VPS13A: variants seen among roughly 807,000 people sequenced by gnomAD.
The protein encoded by VPS13A is vacuolar protein sorting 13 homolog A, also known as intermembrane lipid transfer protein VPS13A.
VPS13A carries 264 observed loss-of-function variants against 390.9 expected under a neutral mutation model. The observed-to-expected ratio is 0.68, with a 90% confidence interval of 0.61 to 0.75. VPS13A has a LOEUF of 0.75. VPS13A is among the 30% of genes least tolerant of loss of function. The pLI is 0.00. For missense variants in VPS13A, 3,409 were observed against 3,733.9 expected, an observed-to-expected ratio of 0.91 and a Z score of 2.27; for synonymous variants, 1,231 against 1,227.1, an observed-to-expected ratio of 1.00 and a Z score of -0.07.
rs556306711 is a variant in VPS13A, at chr9:77,262,730, A to C, written c.2427+2506A>C. 6.2e-4 allele frequency among the ~76,000 whole-genome samples: 95 copies of C among 152,248 alleles called. 1 individual carries two copies. In the Middle Eastern group the frequency reaches 0.01, roughly 16 times the overall value. ...TAGTTTGCTGAGAATGATGGTTTCC[A>C]GCTTCATCCATGTCCTTGCAAAGGA... is the stretch of plus-strand genomic sequence containing the variant. On this transcript the variant is annotated intron_variant, in intron 23 of 71. Transcript: ENST00000360280.
intron 7 of VPS13A, among the ~76,000 whole-genome samples, chr9:77,212,391 A>C (rs1826019958): frequency 6.6e-6 from 1 of 152,092 alleles, no homozygotes; most frequent in Non-Finnish European, 1.5e-5. Context: ...TGTCGACCTT[A>C]GAATCAATAA....
At chr9:77,412,386 C>G (rs1834978797) in intron 71 of VPS13A, among the ~76,000 whole-genome samples, 1 of 152,208 alleles carries the variant, frequency 6.6e-6, no homozygotes, top group African/African-American at 2.4e-5. Context: ...CATCAAAAAG[C>G]TTATCTACCA....
In VPS13A at chr9:77,207,254, A is replaced by AT. The variant is rs1564630578; in HGVS notation, c.385+1175_385+1176insT. On this transcript the variant is annotated intron_variant, in intron 5 of 71. Transcript: ENST00000360280. ...ATATATATATATATATATATATATA[A>AT]AACGTGTTATATGTAACATAACATG... 2.6e-3 allele frequency among the ~76,000 whole-genome samples: 138 copies of AT among 53,446 alleles called. 3 individuals are homozygous for AT. Among genetic ancestry groups the AT allele is most frequent in the East Asian group, 9.0e-3 (10 of 1,114 alleles). The allele number at this position is 53,446 out of a possible 152,430, so 35.1% of individuals were successfully genotyped here.
chr9:77,309,984 G>A (rs1040661615), intron 35 of VPS13A, among the ~76,000 whole-genome samples: 4 of 151,996 alleles, frequency 2.6e-5, no homozygotes, highest in African/African-American at 7.3e-5. Context: ...TAGAATCCCT[G>A]GATGGTAGAA....
rs146426981 is a variant in VPS13A, at chr9:77,380,858, G to A, written c.9078-1118G>A. On this transcript the variant is annotated intron_variant, in intron 67 of 71. Transcript: ENST00000360280. ...GCATGTGCAGTTGACAATAGGGTTC[G>A]CCTTCTTATGAGAATCTGATGCCGC... 1.2e-4 allele frequency among the ~76,000 whole-genome samples: 18 copies of A among 152,224 alleles called. No homozygotes were observed. The East Asian group carries it at 2.9e-3, about 25-fold the overall frequency.
rs1554865394 is a variant in VPS13A, at chr9:77,227,701, T to TG, written c.1452+217dup. On this transcript the variant is annotated intron_variant, in intron 16 of 71. Transcript: ENST00000360280. ...TAGCTAATTTTTGTGGTTTTTTTTT[T>TG]GTTTTTTTTTTTTGATAGAGATGGG... Among the ~76,000 whole-genome samples, 145 of 147,334 alleles carry TG rather than the reference T, an allele frequency of 9.8e-4. 1 individual carries two copies. The highest frequency in any genetic ancestry group is 3.5e-3 in the African/African-American group (138 of 39,940).
chr9:77,314,519 C>G lies in VPS13A; in HGVS notation c.4267C>G (p.Pro1423Ala). The G allele has an allele frequency of 6.2e-7, 1 of 1,612,308 alleles. No individual in the cohort carries two copies. Among genetic ancestry groups the G allele is most frequent in the Non-Finnish European group, 8.5e-7 (1 of 1,179,334 alleles). ...KQASFTDVRD[P>A]SLKLAEFKLE... ...GGCTTCCTTTACAGATGTTCGTGATCCTTCTCTGAAACTTGCTGAATTTAA... is the reference window on the plus strand; with the variant it reads ...GGCTTCCTTTACAGATGTTCGTGATGCTTCTCTGAAACTTGCTGAATTTAA... Residue 1423 changes from proline to alanine, a missense_variant, in exon 37 of 72, where the codon CCT becomes GCT. Pro to Ala is a conservative substitution (Grantham distance 27). Coordinates refer to ENST00000360280, the MANE Select transcript of VPS13A (RefSeq NM_033305.3).
In VPS13A at chr9:77,260,149, G is replaced by T. The variant is rs777629980; in HGVS notation, c.2352G>T (p.Gly784=). The change falls in exon 23 of 72, where the codon GGG becomes GGT. Residue 784 remains glycine, a synonymous_variant. Coordinates refer to ENST00000360280, the MANE Select transcript of VPS13A (RefSeq NM_033305.3). The part of the protein sequence containing the change: ...SLRISDKKLQ[G]IMELIESIPK... ...GAATCTCAGATAAAAAACTACAAGG[G>T]ATTATGGAATTGATTGAAAGCATTC... is the stretch of plus-strand genomic sequence containing the variant. 1 of 1,602,848 alleles carries T rather than the reference G, an allele frequency of 6.2e-7. No homozygotes were observed. The highest frequency in any genetic ancestry group is 1.1e-5 in the South Asian group (1 of 90,642).
chr9:77,252,412 A>G, intron 22 of VPS13A, 60 bp downstream of exon 22: 6 of 1,315,934 alleles, frequency 4.6e-6, no homozygotes, highest in Non-Finnish European at 5.5e-6. Flanking sequence ...AGCTAGGGAA[A>G]TACCATACTT....
At chr9:77,301,197 G>A (rs1306245350) in intron 33 of VPS13A, among the ~76,000 whole-genome samples, 2 of 152,064 alleles carry the variant, frequency 1.3e-5, no homozygotes, top group Admixed American at 6.5e-5. Context: ...TGAAGATATA[G>A]ATATAGATAT....
intron 35 of VPS13A, 26 bp from the exon 36 acceptor site, chr9:77,313,966 T>G: frequency 1.3e-6 from 2 of 1,598,184 alleles, no homozygotes; most frequent in African/African-American, 1.4e-5. Context: ...TATTTTCTTT[T>G]ATTAAATAAC....
chr9:77,238,113 T>C lies in VPS13A; in HGVS notation c.1707T>C (p.Phe569=), dbSNP rs763062715. The change falls in exon 18 of 72, where the codon TTT becomes TTC. Residue 569 remains phenylalanine, a synonymous_variant. Transcript: ENST00000360280. ...DDAMSLFQIT[F]EINPLDETVS... ...CAATGTCACTTTTCCAAATTACATT[T>C]GAGATAAATCCATTAGATGAAACTG... 1 of 1,613,122 alleles carries C rather than the reference T, an allele frequency of 6.2e-7. No individual in the cohort carries two copies. The highest frequency in any genetic ancestry group is 8.5e-7 in the Non-Finnish European group (1 of 1,179,190).
In VPS13A at chr9:77,300,880, C is replaced by T. The variant is rs117335119; in HGVS notation, c.3813-2035C>T. Among the ~76,000 whole-genome samples, 1,364 of 152,354 alleles carry T rather than the reference C, an allele frequency of 9.0e-3. 16 individuals carry two copies. The highest frequency in any genetic ancestry group is 0.013 in the Non-Finnish European group (896 of 68,034). The stretch of plus-strand genomic sequence containing the variant: ...TAGCAAATATTTATTCATTATATGG[C>T]ACATGCCAATCATCTAAGTACTGAC... On this transcript the variant is annotated intron_variant, in intron 33 of 71. Coordinates refer to ENST00000360280, the MANE Select transcript of VPS13A (RefSeq NM_033305.3).
At chr9:77,277,871 T>C (rs1826779424) in intron 26 of VPS13A, among the ~76,000 whole-genome samples, 1 of 152,210 alleles carries the variant, frequency 6.6e-6, no homozygotes, top group Admixed American at 6.5e-5. Context: ...ATAAAGCTGC[T>C]GTGAACATTT....
chr9:77,218,924 C>T (rs963904972), intron 10 of VPS13A, among the ~76,000 whole-genome samples: 8 of 152,106 alleles, frequency 5.3e-5, no homozygotes, highest in African/African-American at 1.9e-4. Context: ...TACCCCCGGC[C>T]GTGTTCAGCT....
chr9:77,177,936 T>C, intron 1 of VPS13A, 132 bp downstream of exon 1: 1 of 739,012 alleles, frequency 1.4e-6, no homozygotes, highest in South Asian at 1.6e-5. Flanking sequence ...GCCGCCCGCC[T>C]GTGGGTCAAG....
At chr9:77,345,252 C>A in intron 52 of VPS13A, 110 bp downstream of exon 52, 2 of 1,184,066 alleles carry the variant, frequency 1.7e-6, no homozygotes, top group Admixed American at 1.9e-5. Flanking sequence ...AGCATTGTAG[C>A]TGTGTAAAAC....
At chr9:77,187,064 A>T (rs1395921214) in intron 1 of VPS13A, among the ~76,000 whole-genome samples, 1 of 152,244 alleles carries the variant, frequency 6.6e-6, no homozygotes. Context: ...CAGCATTTCA[A>T]TAATTTTTCA....
intron 22 of VPS13A, among the ~76,000 whole-genome samples, chr9:77,253,318 T>G (rs1166710526): frequency 6.6e-6 from 1 of 152,160 alleles, no homozygotes; most frequent in Non-Finnish European, 1.5e-5. Flanking sequence ...TTTTTTTCTG[T>G]TTTTCGAGAT....
Sources: gnomAD v4.1 joint callset for allele counts (sites outside exome capture counted in the v4.1 genomes callset) on GRCh38, gnomAD v4.1.1 for gene constraint, MANE v1.5 for transcripts, NCBI Gene and HGNC (gene_info 2026-07-23, HGNC 2026-07-21) for gene names.